Variants in EGFR observed in about 807,000 individuals in gnomAD.
EGFR encodes epidermal growth factor receptor.
A neutral mutation model predicts 143.0 loss-of-function variants in EGFR; 58 were observed. That is an observed-to-expected ratio of 0.41 (90% CI 0.33 to 0.50). The LOEUF is 0.50. EGFR is among the 20% of genes least tolerant of loss of function. EGFR has a pLI of 0.39. For missense variants in EGFR, 1,307 were observed against 1,579.0 expected (o/e 0.83, Z 2.92); for synonymous variants, 613 against 594.4 (o/e 1.03, Z -0.45).
At chr7:55,112,018 T>C (rs1792525248) in intron 1 of EGFR, among the ~76,000 whole-genome samples, 1 of 152,084 alleles carries the variant, frequency 6.6e-6, no homozygotes, top group Non-Finnish European at 1.5e-5. Context: ...GAGCTGGGAC[T>C]GGAACTCCTG....
chr7:55,037,488 A>C, intron 1 of EGFR, among the ~76,000 whole-genome samples: 1 of 152,152 alleles, frequency 6.6e-6, no homozygotes, highest in African/African-American at 2.4e-5. Flanking sequence ...GCTTTGCAGC[A>C]CTCTTCACAG....
intron 20 of EGFR, 93 bp downstream of exon 20, chr7:55,181,571 G>A (rs910026668): frequency 6.7e-7 from 1 of 1,490,436 alleles, no homozygotes; most frequent in African/African-American, 1.4e-5. Context: ...GTTTGCCATG[G>A]GGATATGTGT....
intron 27 of EGFR, among the ~76,000 whole-genome samples, chr7:55,203,413 C>G (rs1787951017): frequency 8.5e-6 from 1 of 117,988 alleles, no homozygotes; most frequent in African/African-American, 3.5e-5. Flanking sequence ...CACACGTACA[C>G]ACAACACACA....
rs139920325 is a variant in EGFR at position 55,136,163 on chromosome 7, C to G, written c.89-6123C>G. On this transcript the variant is annotated intron_variant, in intron 1 of 27. Coordinates refer to ENST00000275493, the MANE Select transcript of EGFR (RefSeq NM_005228.5). ...AATGACCGGTCCTGATTCAATGAAA[C>G]CTCTGGCAAACTCGCTATATTTTCC... is the stretch of plus-strand genomic sequence containing the variant. Among the ~76,000 whole-genome samples the G allele has an allele frequency of 5.3e-5, 8 of 152,272 alleles. No homozygotes were observed. The East Asian group carries it at 1.4e-3, about 26-fold the overall frequency.
intron 1 of EGFR, among the ~76,000 whole-genome samples, chr7:55,056,480 G>T (rs574746984): frequency 3.9e-5 from 6 of 152,252 alleles, no homozygotes; most frequent in Admixed American, 6.5e-5. Context: ...TTACTCATTT[G>T]CCAACTGCGG....
intron 4 of EGFR, among the ~76,000 whole-genome samples, chr7:55,149,285 A>G (rs1273668166): frequency 6.6e-6 from 1 of 152,142 alleles, no homozygotes; most frequent in Non-Finnish European, 1.5e-5. Flanking sequence ...AAAGACTAAG[A>G]AAAAGATGAA....
intron 1 of EGFR, among the ~76,000 whole-genome samples, chr7:55,040,015 T>C (rs550702867): frequency 6.6e-6 from 1 of 152,322 alleles, no homozygotes; most frequent in Admixed American, 6.5e-5. Context: ...TATACACTGA[T>C]GGTGACGCAG....
rs1299680113 is a variant in EGFR, at chr7:55,211,527, ATGT to A, written c.*5913_*5915del. The A allele has an allele frequency of 2.0e-5, 3 of 152,330 alleles. No individual in the cohort carries two copies. The highest frequency in any genetic ancestry group is 4.4e-5 in the Non-Finnish European group (3 of 68,034). 9.4% of individuals were successfully genotyped at this position (152,330 alleles called of 1,614,324 possible). A position where few individuals can be genotyped will look rare whatever the true frequency, so the allele number is the denominator to read the frequency against. ...ATATGGTTTATACTGTTGATCAGAA[ATGT>A]TGATTGTGCATTGAGTATTAAAAAA... On this transcript the variant is annotated 3_prime_UTR_variant, in exon 28 of 28. Transcript: ENST00000275493.
chr7:55,191,772 G>A lies in EGFR; in HGVS notation c.2523G>A (p.Arg841=), dbSNP rs773720036. ...TGGTGCACCGCGACCTGGCAGCCAG[G>A]AACGTACTGGTGAAAACACCGCAGC... ...RRLVHRDLAA[R]NVLVKTPQHV... Residue 841 remains arginine, a synonymous_variant, in exon 21 of 28, where the codon AGG becomes AGA. Transcript: ENST00000275493. 6 of 1,614,074 alleles carry A rather than the reference G, an allele frequency of 3.7e-6. No individual in the cohort carries two copies. The highest frequency in any genetic ancestry group is 5.1e-6 in the Non-Finnish European group (6 of 1,180,036).
In EGFR at chr7:55,085,877, T is replaced by C. The variant is rs1790723638; in HGVS notation, c.89-56409T>C. Among the ~76,000 whole-genome samples, 12 of 152,306 alleles carry C rather than the reference T, an allele frequency of 7.9e-5. No homozygotes were observed. The South Asian group carries it at 8.3e-4, about 11-fold the overall frequency. ...CTGATGCAGTGGCAGAAGTAGAATT[T>C]GAGCTTGTGCAGATGTGCCTCCGTG... On this transcript the variant is annotated intron_variant, in intron 1 of 27. Transcript: ENST00000275493.
At chr7:55,201,449 C>A (rs979871988) in intron 25 of EGFR, 94 bp downstream of exon 25, 2 of 1,548,440 alleles carry the variant, frequency 1.3e-6, no homozygotes, top group South Asian at 2.3e-5. Context: ...GTGAAACTCA[C>A]ATGGATATGA....
chr7:55,081,282 G>A (rs1196840429), intron 1 of EGFR, among the ~76,000 whole-genome samples: 1 of 152,180 alleles, frequency 6.6e-6, no homozygotes, highest in Non-Finnish European at 1.5e-5. Context: ...TACAGTCTGG[G>A]CCAGGGCCAC....
At chr7:55,111,472 C>T (rs1584065873) in intron 1 of EGFR, among the ~76,000 whole-genome samples, 1 of 152,070 alleles carries the variant, frequency 6.6e-6, no homozygotes, top group East Asian at 1.9e-4. Flanking sequence ...AAGCAGAACC[C>T]ACCAGGCTTC....
At chr7:55,125,719 T>C (rs1362226781) in intron 1 of EGFR, among the ~76,000 whole-genome samples, 1 of 152,152 alleles carries the variant, frequency 6.6e-6, no homozygotes, top group African/African-American at 2.4e-5. Context: ...GATGAGGCAT[T>C]GACCCAGGCG....
chr7:55,060,819 A>C (rs145919223), intron 1 of EGFR, among the ~76,000 whole-genome samples: 182 of 152,360 alleles, frequency 1.2e-3, no homozygotes, highest in Admixed American at 3.3e-3. Context: ...ACAAGGGCTC[A>C]ATGCCAACTC....
At chr7:55,073,140 T>C (rs539200899) in intron 1 of EGFR, among the ~76,000 whole-genome samples, 2 of 152,350 alleles carry the variant, frequency 1.3e-5, no homozygotes, top group Admixed American at 6.5e-5. Flanking sequence ...ATTTTACCAT[T>C]TAGTCATCTG....
intron 1 of EGFR, among the ~76,000 whole-genome samples, chr7:55,075,562 T>C (rs1790088760): frequency 6.6e-6 from 1 of 152,316 alleles, no homozygotes; most frequent in East Asian, 1.9e-4. Flanking sequence ...TACAGCTATG[T>C]TCCTCCTGAA....
chr7:55,019,306 C>A lies in EGFR; in HGVS notation c.29C>A (p.Ala10Glu), dbSNP rs1217714114. The A allele has an allele frequency of 2.6e-6, 4 of 1,516,690 alleles. No homozygotes were observed. Among genetic ancestry groups the A allele is most frequent in the African/African-American group, 1.4e-5 (1 of 69,466 alleles). 94.0% of individuals were successfully genotyped at this position (1,516,690 alleles called of 1,614,324 possible). A position where few individuals can be genotyped will look rare whatever the true frequency, so the allele number is the denominator to read the frequency against. MRPSGTAGA[A>E]LLALLAALCP... ...CGACCCTCCGGGACGGCCGGGGCAG[C>A]GCTCCTGGCGCTGCTGGCTGCGCTC... Residue 10 changes from alanine to glutamate, a missense_variant, in exon 1 of 28, where the codon GCG becomes GAG. Ala to Glu is a moderately radical substitution (Grantham distance 107). Around this residue, in one of 7 missense-constraint regions of EGFR, gnomAD observed 65 missense variants for 37.8 expected, o/e 1.72. Transcript: ENST00000275493.
At chr7:55,087,273 T>TA (rs373915835) in intron 1 of EGFR, among the ~76,000 whole-genome samples, 4,054 of 102,010 alleles carry the variant, frequency 0.04, 174 homozygotes, top group South Asian at 0.14. Flanking sequence ...TCTCAATTGT[T>TA]AAAAAAAAAA....
Sources: allele counts gnomAD v4.1 joint callset (sites outside exome capture counted in the v4.1 genomes callset), GRCh38; gene constraint gnomAD v4.1.1; regional missense constraint gnomAD v4.1.1; transcripts MANE v1.5; gene names NCBI Gene and HGNC (gene_info 2026-07-23, HGNC 2026-07-21).